The following FGD4 variants were observed in gnomAD, a reference collection of about 807,000 sequenced individuals.
FGD4 encodes FYVE, RhoGEF and PH domain-containing protein 4.
FGD4 carries 42 observed loss-of-function variants against 102.0 expected under a neutral mutation model. That is an observed-to-expected ratio of 0.41 (90% CI 0.32 to 0.53). The LOEUF (loss-of-function observed/expected upper bound fraction) is 0.53. FGD4 is among the 20% of genes least tolerant of loss of function. The probability of loss-of-function intolerance (pLI) is 0.21; values close to 1 mark genes in which losing one functional copy is unlikely to be tolerated. For missense variants in FGD4, 902 were observed against 1,078.2 expected (o/e 0.84, Z 2.29); for synonymous variants, 380 against 375.7 (o/e 1.01, Z -0.13).
chr12:32,612,585 AT>A (rs1395149752), intron 10 of FGD4, among the ~76,000 whole-genome samples: 1 of 152,162 alleles, frequency 6.6e-6, no homozygotes, highest in Admixed American at 6.5e-5. Flanking sequence ...ACTTTCGGAA[AT>A]CCTCCTTTTG....
At chr12:32,411,591 C>T (rs1180403851) in intron 1 of FGD4, among the ~76,000 whole-genome samples, 2 of 151,846 alleles carry the variant, frequency 1.3e-5, no homozygotes, top group African/African-American at 4.8e-5. Context: ...GCATGTGGAA[C>T]CATATAAATT....
chr12:32,421,879 G>A (rs1372881743), intron 1 of FGD4, among the ~76,000 whole-genome samples: 3 of 152,036 alleles, frequency 2.0e-5, no homozygotes, highest in African/African-American at 4.8e-5. Flanking sequence ...AGTGGCTCAC[G>A]TCTATAATCC....
intron 1 of FGD4, among the ~76,000 whole-genome samples, chr12:32,477,145 G>A (rs1943602946): frequency 6.6e-6 from 1 of 151,958 alleles, no homozygotes; most frequent in Non-Finnish European, 1.5e-5. Context: ...AAAATTAGCC[G>A]GGCGTGGTGG....
rs145371237 is a variant in FGD4 at position 32,522,957 on chromosome 12, A to G, written c.167-41180A>G. ...CTTTCCCTCCTTTTGATGCCTAATG[A>G]AATCCTACTTATCCTTCAACATAAA... On this transcript the variant is annotated intron_variant, in intron 1 of 16. Transcript: ENST00000534526. Among the ~76,000 whole-genome samples the G allele has an allele frequency of 6.6e-4, 101 of 152,352 alleles. 1 individual carries two copies. The highest frequency in any genetic ancestry group is 2.2e-3 in the African/African-American group (91 of 41,578).
At chr12:32,595,274 ATTAC>A (rs1947806494) in intron 4 of FGD4, among the ~76,000 whole-genome samples, 1 of 152,302 alleles carries the variant, frequency 6.6e-6, no homozygotes, top group South Asian at 2.1e-4. Context: ...TTGCTTAAAA[ATTAC>A]TTAGGTTTTT....
In FGD4 at chr12:32,626,897, G is replaced by A. The variant is rs529243358; in HGVS notation, c.2172+1118G>A. ...AGTTTTGCTCTTGTTGCCCAGGCTG[G>A]AGTGCAATGATGCGATCTCGGTTCA... is the stretch of plus-strand genomic sequence containing the variant. On this transcript the variant is annotated intron_variant, in intron 14 of 16. Transcript: ENST00000534526. 5.3e-5 allele frequency among the ~76,000 whole-genome samples: 8 copies of A among 152,218 alleles called. No homozygotes were observed. In the East Asian group the frequency reaches 1.5e-3, roughly 29 times the overall value.
chr12:32,607,723 C>T (rs1392067135), intron 7 of FGD4, among the ~76,000 whole-genome samples: 3 of 152,172 alleles, frequency 2.0e-5, no homozygotes, highest in African/African-American at 4.8e-5. Flanking sequence ...CCATGTTGGC[C>T]GGGCTGGTCT....
intron 1 of FGD4, among the ~76,000 whole-genome samples, chr12:32,419,377 C>T (rs1941543822): frequency 6.6e-6 from 1 of 152,188 alleles, no homozygotes; most frequent in Admixed American, 6.5e-5. Flanking sequence ...TAATTCAGGG[C>T]CTTGGCGCTC....
chr12:32,441,101 G>T (rs1363860424), intron 1 of FGD4, among the ~76,000 whole-genome samples: 12 of 152,160 alleles, frequency 7.9e-5, no homozygotes, highest in African/African-American at 2.9e-4. Context: ...GTCAGGGTCT[G>T]GAACCAGGGA....
rs756760137 is a variant in FGD4 at position 32,520,529 on chromosome 12, G to T, written c.167-43608G>T. ...TGGCTCACTGCAAGCTCTGCTTCCC[G>T]GTTTCACGCCATTCTCCTCCCTCAG... On this transcript the variant is annotated intron_variant, in intron 1 of 16. Transcript: ENST00000534526. Among the ~76,000 whole-genome samples the T allele has an allele frequency of 3.3e-5, 5 of 150,342 alleles. No homozygotes were observed. In the East Asian group the frequency reaches 9.8e-4, roughly 29 times the overall value.
chr12:32,637,599 G>GAATGAATGAATAAATA (rs140822380), intron 15 of FGD4: 2 of 147,190 alleles, frequency 1.4e-5, no homozygotes, highest in African/African-American at 5.1e-5. Flanking sequence ...CCATCTCTAT[G>GAATGAATGAATAAATA]AATAAATAAA....
At chr12:32,547,755 GGA>G (rs1943340558) in intron 1 of FGD4, among the ~76,000 whole-genome samples, 1 of 152,224 alleles carries the variant, frequency 6.6e-6, no homozygotes, top group African/African-American at 2.4e-5. Flanking sequence ...TGCCCAGGCT[GGA>G]GTGCAGTGGT....
intron 1 of FGD4, among the ~76,000 whole-genome samples, chr12:32,521,359 C>A (rs1333812316): frequency 7.8e-6 from 1 of 129,018 alleles, no homozygotes; most frequent in Non-Finnish European, 1.6e-5. Flanking sequence ...CTGGCGACGG[C>A]GAGACTCCGT....
At position 32,501,936 on chromosome 12, in the gene FGD4, C is replaced by T. The variant is rs188278118; in HGVS notation, c.167-62201C>T. 2.4e-4 allele frequency: 165 copies of T among 675,084 alleles called. 1 individual carries two copies. The African/African-American group carries it at 3.0e-3, about 12-fold the overall frequency. 41.8% of individuals were successfully genotyped at this position (675,084 alleles called of 1,614,324 possible). On this transcript the variant is annotated intron_variant, in intron 1 of 16. Coordinates refer to ENST00000534526, the MANE Select transcript of FGD4 (RefSeq NM_001370298.3). Reference sequence around the variant, plus strand: ...CACCAAGGGTAAATTTGCTGGAAAGCTTTTAGTTGGGCTGCACTGGCTTGT... The same window carrying T: ...CACCAAGGGTAAATTTGCTGGAAAGTTTTTAGTTGGGCTGCACTGGCTTGT...
In FGD4 at chr12:32,644,362, C is replaced by A. The variant is rs531131022; in HGVS notation, c.*3829C>A. Reference sequence around the variant, plus strand: ...GAAAATGACTATGATACATAAAGACCACTAGGTCAACTTAAAAAACCCTTT... The same window carrying A: ...GAAAATGACTATGATACATAAAGACAACTAGGTCAACTTAAAAAACCCTTT... On this transcript the variant is annotated 3_prime_UTR_variant, in exon 17 of 17. Coordinates refer to ENST00000534526, the MANE Select transcript of FGD4 (RefSeq NM_001370298.3). 19 of 152,106 alleles carry A rather than the reference C, an allele frequency of 1.2e-4. No individual in the cohort carries two copies. Among genetic ancestry groups the A allele is most frequent in the African/African-American group, 4.6e-4 (19 of 41,498 alleles). 9.4% of individuals were successfully genotyped at this position (152,106 alleles called of 1,614,324 possible). A position where few individuals can be genotyped will look rare whatever the true frequency, so the allele number is the denominator to read the frequency against.
intron 12 of FGD4, 106 bp downstream of exon 12, chr12:32,624,558 C>G (rs1336193390): frequency 1.4e-5 from 13 of 947,034 alleles, no homozygotes; most frequent in Non-Finnish European, 2.1e-5. Context: ...ACTGCAGCCT[C>G]TGTCTGGGCT....
intron 7 of FGD4, among the ~76,000 whole-genome samples, chr12:32,603,794 T>C (rs567209418): frequency 8.5e-5 from 13 of 152,066 alleles, no homozygotes; most frequent in Admixed American, 1.3e-4. Flanking sequence ...CCTTGAACAC[T>C]TGGGCTTGAG....
intron 4 of FGD4, among the ~76,000 whole-genome samples, chr12:32,585,720 G>GCT (rs1946970153): frequency 6.6e-6 from 1 of 151,042 alleles, no homozygotes; most frequent in Admixed American, 6.6e-5. Context: ...TGTAGTCCCA[G>GCT]CTACTCGGGA....
In FGD4 at chr12:32,602,376, C is replaced by G. The variant is rs1592369120; in HGVS notation, c.1404+59C>G. On this transcript the variant is annotated intron_variant, in intron 7 of 16. Transcript: ENST00000534526. ...ACTATTTCCATACAAATTATACAGT[C>G]TTCTATATCTAAAACTGAGATCTAG... is the stretch of plus-strand genomic sequence containing the variant. 3 of 1,593,446 alleles carry G rather than the reference C, an allele frequency of 1.9e-6. No individual in the cohort carries two copies. The East Asian group carries it at 6.7e-5, about 36-fold the overall frequency.
Sources: allele counts gnomAD v4.1 joint callset (sites outside exome capture counted in the v4.1 genomes callset), GRCh38; gene constraint gnomAD v4.1.1; transcripts MANE v1.5; gene names NCBI Gene and HGNC (gene_info 2026-07-23, HGNC 2026-07-21).